Variants in VWA5B1 observed in about 807,000 individuals in gnomAD.
VWA5B1 encodes the protein von Willebrand factor A domain containing 5B1, also known as von Willebrand factor A domain-containing protein 5B1.
A neutral mutation model predicts 118.2 loss-of-function variants in VWA5B1; 115 were observed. The observed-to-expected ratio is 0.97, with a 90% CI of 0.84 to 1.14. The LOEUF (loss-of-function observed/expected upper bound fraction) is 1.14. Among genes scored for constraint, VWA5B1 ranks in the 50% most tolerant of loss-of-function variants. The pLI is 0.00. For synonymous variants in VWA5B1, 682 were observed against 658.4 expected (o/e 1.04, Z -0.55); for missense variants, 1,596 against 1,603.8 (o/e 1.00, Z 0.08).
chr1:20,318,505 G>T, intron 5 of VWA5B1, 85 bp from the exon 6 acceptor site: 1 of 1,532,534 alleles, frequency 6.5e-7, no homozygotes, highest in Non-Finnish European at 8.8e-7. Context: ...CTCATCTCTG[G>T]CCTGGATCTC....
intron 16 of VWA5B1, among the ~76,000 whole-genome samples, chr1:20,344,237 C>T (rs1176067239): frequency 1.3e-5 from 2 of 151,866 alleles, no homozygotes; most frequent in Admixed American, 6.6e-5. Flanking sequence ...CTCTTATGGG[C>T]GCCCCATTTC....
At position 20,352,112 on chromosome 1, in the gene VWA5B1, G is replaced by C; in HGVS notation, c.3081G>C (p.Lys1027Asn). ...LTRAAKGFLS[K>N]PLIKAVESTS... ...GAGCAGCCAAGGGCTTCCTGAGCAA[G>C]CCACTGATCAAAGCTGTGGAGTCGA... The change falls in exon 21 of 22, where the codon AAG becomes AAC. Residue 1027 changes from lysine (K) to asparagine (N), a missense_variant. Transcript: ENST00000289815. 6.4e-7 allele frequency: 1 copy of C among 1,551,450 alleles called. No homozygotes were observed. The highest frequency in any genetic ancestry group is 8.7e-7 in the Non-Finnish European group (1 of 1,146,954).
Position 20,345,471 on chromosome 1 carries a change from A to G in VWA5B1, c.2642A>G (p.Tyr881Cys). Residue 881 changes from tyrosine to cysteine, a missense_variant, in exon 17 of 22, where the codon TAC (tyrosine) becomes TGC (cysteine). Physicochemically the swap from Tyr to Cys is radical, Grantham distance 194. Coordinates refer to ENST00000289815, the MANE Select transcript of VWA5B1 (RefSeq NM_001039500.3). ...CCCTCCACAGGGTCCAACCGCCGCT[A>G]CCAAGTGAGCGCCTTGCACACCAGC... is the stretch of plus-strand genomic sequence containing the variant. ...GEIEQGSNRR[Y>C]QVSALHTSKA... is the part of the protein sequence containing the mutation. 1 of 1,551,154 alleles carries G rather than the reference A, an allele frequency of 6.4e-7. No homozygotes were observed. Among genetic ancestry groups the G allele is most frequent in the South Asian group, 1.2e-5 (1 of 84,060 alleles).
intron 20 of VWA5B1, among the ~76,000 whole-genome samples, chr1:20,351,446 G>C (rs1245888786): frequency 6.6e-6 from 1 of 152,126 alleles, no homozygotes; most frequent in Non-Finnish European, 1.5e-5. Flanking sequence ...AAGGTCAGGA[G>C]TTCGAGACCA....
intron 12 of VWA5B1, among the ~76,000 whole-genome samples, chr1:20,335,972 G>A (rs1388535529): frequency 6.6e-6 from 1 of 152,214 alleles, no homozygotes; most frequent in Non-Finnish European, 1.5e-5. Flanking sequence ...AGATCAGGGA[G>A]AATGGAATGG....
chr1:20,345,327 A>G (rs1366726865), intron 16 of VWA5B1, 129 bp from the exon 17 acceptor site: 5 of 1,258,900 alleles, frequency 4.0e-6, no homozygotes, highest in Non-Finnish European at 5.4e-6. Context: ...CAAGCCCTTG[A>G]TTTTAAAGGC....
At position 20,356,366 on chromosome 1, in the gene VWA5B1, C is replaced by CGAG. The variant is rs2090229599; in HGVS notation, c.*2103_*2104insGAG. On this transcript the variant is annotated 3_prime_UTR_variant, in exon 22 of 22. Transcript: ENST00000289815. ...TCTGCCTCTGAGATGTTTCCCTCTT[C>CGAG]ATGAACATGAATTTGCTTGAGTTCT... Among the ~76,000 whole-genome samples the CGAG allele has an allele frequency of 6.6e-6, 1 of 152,220 alleles. No individual in the cohort carries two copies. The highest frequency in any genetic ancestry group is 2.4e-5 in the African/African-American group (1 of 41,458).
In VWA5B1 at chr1:20,343,242, G is replaced by A. The variant is rs1254673895; in HGVS notation, c.2475G>A (p.Trp825Ter). The part of the protein sequence containing the change: ...KGLHDSQRLQ[W>*]EVSFELGTPG... The stretch of plus-strand genomic sequence containing the variant: ...TGCACGACAGCCAACGCCTGCAGTG[G>A]GAGGTGAGCTTCGAGCTGGGGACCC... The change falls in exon 16 of 22, where the codon TGG becomes TGA. Residue 825 changes from tryptophan to a stop codon, truncating the protein, a stop_gained. Coordinates refer to ENST00000289815, the MANE Select transcript of VWA5B1 (RefSeq NM_001039500.3). LOFTEE classifies it high-confidence loss of function. 1.3e-6 allele frequency: 2 copies of A among 1,549,152 alleles called. No homozygotes were observed. The highest frequency in any genetic ancestry group is 2.4e-5 in the East Asian group (1 of 40,890).
In VWA5B1 at chr1:20,312,989, G is replaced by A. The variant is rs1296564147; in HGVS notation, c.292+1G>A. The A allele has an allele frequency of 4.5e-6, 7 of 1,551,252 alleles. No individual in the cohort carries two copies. The highest frequency in any genetic ancestry group is 1.4e-5 in the African/African-American group (1 of 73,070). ...CATGTTCGATCCCCAACAGTCACAG[G>A]TAAGGAGACCAGAAGGGCTGCCGCG... On this transcript the variant is annotated splice_donor_variant, in intron 3 of 21. Coordinates refer to ENST00000289815, the MANE Select transcript of VWA5B1 (RefSeq NM_001039500.3). LOFTEE classifies it high-confidence loss of function.
intron 10 of VWA5B1, 50 bp downstream of exon 10, chr1:20,330,432 T>G (rs1454878916): frequency 1.3e-6 from 2 of 1,545,054 alleles, no homozygotes. Context: ...CTGCCGGGGC[T>G]GGGGCGCCAG....
chr1:20,345,369 G>T (rs2100999720), intron 16 of VWA5B1, 87 bp from the exon 17 acceptor site: 2 of 1,529,044 alleles, frequency 1.3e-6, no homozygotes, highest in African/African-American at 1.4e-5. Context: ...GACCACTTAG[G>T]TAGAGCCCCC....
chr1:20,324,398 G>A (rs749929673), intron 8 of VWA5B1, among the ~76,000 whole-genome samples: 7 of 152,110 alleles, frequency 4.6e-5, no homozygotes, highest in Non-Finnish European at 1.0e-4. Flanking sequence ...GAGATTACTG[G>A]TCTCCATTGT....
At chr1:20,316,395 C>T (rs982352017) in intron 4 of VWA5B1, among the ~76,000 whole-genome samples, 7 of 152,086 alleles carry the variant, frequency 4.6e-5, no homozygotes, top group East Asian at 1.9e-4. Flanking sequence ...AAGTTAGCAG[C>T]GAGGACTTGG....
intron 16 of VWA5B1, 77 bp from the exon 17 acceptor site, chr1:20,345,379 C>G (rs1193257383): frequency 2.6e-6 from 4 of 1,545,970 alleles, no homozygotes; most frequent in Admixed American, 3.9e-5. Flanking sequence ...GTAGAGCCCC[C>G]TTTTTAGCTT....
Position 20,343,266 on chromosome 1 carries a change from C to G in VWA5B1, c.2499C>G (p.Thr833=), listed in dbSNP as rs1379560541. 11 of 1,548,458 alleles carry G rather than the reference C, an allele frequency of 7.1e-6. No individual in the cohort carries two copies. The highest frequency in any genetic ancestry group is 9.6e-6 in the Non-Finnish European group (11 of 1,146,766). The change falls in exon 16 of 22, where the codon ACC becomes ACG. Residue 833 remains threonine (T), a synonymous_variant. Transcript: ENST00000289815. ...LQWEVSFELG[T]PGPERGGAQD... is the part of the protein sequence containing the mutation. Reference sequence around the variant, plus strand: ...GGGAGGTGAGCTTCGAGCTGGGGACCCCTGGACCGGAGCGGGGCGGCGCGC... The same window carrying G: ...GGGAGGTGAGCTTCGAGCTGGGGACGCCTGGACCGGAGCGGGGCGGCGCGC...
intron 1 of VWA5B1, among the ~76,000 whole-genome samples, chr1:20,300,605 T>G (rs138742155): frequency 1.3e-5 from 2 of 152,328 alleles, no homozygotes; most frequent in East Asian, 3.9e-4. Context: ...TGGGCTTCAG[T>G]TTCCTCTTCT....
chr1:20,292,099 C>A (rs1250777561), intron 1 of VWA5B1, among the ~76,000 whole-genome samples: 1 of 151,470 alleles, frequency 6.6e-6, no homozygotes. Context: ...TTCTTTTTTT[C>A]TTTTTCTTTC....
At chr1:20,304,554 T>G (rs116796625) in intron 1 of VWA5B1, among the ~76,000 whole-genome samples, 2,318 of 148,056 alleles carry the variant, frequency 0.016, 50 homozygotes, top group African/African-American at 0.049. Context: ...AAAATGGAGG[T>G]GTGTGTGTGT....
In VWA5B1 at chr1:20,328,013, C is replaced by T; in HGVS notation, c.1254+13C>T. The T allele has an allele frequency of 6.5e-7, 1 of 1,548,820 alleles. No homozygotes were observed. Among genetic ancestry groups the T allele is most frequent in the Non-Finnish European group, 8.7e-7 (1 of 1,144,672 alleles). On this transcript the variant is annotated intron_variant, in intron 9 of 21. Transcript: ENST00000289815. ...GACCTACAGTGAGGTAATGAGGGGG[C>T]AAGGCTGGGACCAGGAGGGTGGTGC...
Sources: gnomAD v4.1 joint callset for allele counts (sites outside exome capture counted in the v4.1 genomes callset) on GRCh38, gnomAD v4.1.1 for gene constraint, MANE v1.5 for transcripts, NCBI Gene and HGNC (gene_info 2026-07-23, HGNC 2026-07-21) for gene names.